Variants in COL4A4 observed in about 807,000 individuals in gnomAD.
The protein encoded by COL4A4 is collagen type IV alpha 4 chain, also known as collagen alpha-4(IV) chain.
In COL4A4, 105 loss-of-function variants were observed where a neutral mutation model predicts 192.9. The observed-to-expected ratio is 0.54, with a 90% CI of 0.46 to 0.64. The LOEUF (loss-of-function observed/expected upper bound fraction) is 0.64. COL4A4 is among the 30% of genes least tolerant of loss of function. COL4A4 has a pLI of 0.00. For missense variants in COL4A4, 1,967 were observed against 2,169.3 expected (o/e 0.91, Z 1.85); for synonymous variants, 762 against 769.9 (o/e 0.99, Z 0.17).
intron 25 of COL4A4, among the ~76,000 whole-genome samples, chr2:227,068,196 T>TA (rs2058472062): frequency 6.6e-6 from 1 of 150,570 alleles, no homozygotes; most frequent in Admixed American, 6.6e-5. Context: ...AATAGACCAA[T>TA]AACAGGATCT....
intron 43 of COL4A4, among the ~76,000 whole-genome samples, chr2:227,024,015 A>C (rs1235623335): frequency 1.4e-5 from 2 of 139,148 alleles, no homozygotes; most frequent in Admixed American, 7.2e-5. Flanking sequence ...AAAAAAAAAA[A>C]ACAAAAAACA....
At chr2:227,152,790 G>A (rs1233173755) in intron 1 of COL4A4, among the ~76,000 whole-genome samples, 1 of 152,188 alleles carries the variant, frequency 6.6e-6, no homozygotes, top group Admixed American at 6.5e-5. Context: ...TCACTCAGAA[G>A]AGCATTCCAC....
chr2:227,138,339 G>A (rs2125265246), intron 4 of COL4A4, among the ~76,000 whole-genome samples: 1 of 150,556 alleles, frequency 6.6e-6, no homozygotes, highest in East Asian at 2.0e-4. Context: ...GAATAGAAAA[G>A]AAAAAGGTCT....
chr2:227,153,132 C>G (rs1301978164), intron 1 of COL4A4, among the ~76,000 whole-genome samples: 2 of 152,150 alleles, frequency 1.3e-5, no homozygotes, highest in Non-Finnish European at 2.9e-5. Context: ...GAGACTTATT[C>G]ACCACCACAA....
At position 227,005,985 on chromosome 2, in the gene COL4A4, T is replaced by C. The variant is rs1376600996; in HGVS notation, c.*1340A>G. ...AAATTGACACACATTCTAAACTTTT[T>C]TAGAAAATACTAATGCCAAATGTCA... On this transcript the variant is annotated 3_prime_UTR_variant, in exon 48 of 48. Transcript: ENST00000396625. The C allele has an allele frequency of 6.6e-6, 1 of 152,302 alleles. No individual in the cohort carries two copies. Among genetic ancestry groups the C allele is most frequent in the Non-Finnish European group, 1.5e-5 (1 of 68,036 alleles). The allele number at this position is 152,302 out of a possible 1,614,324, so 9.4% of individuals were successfully genotyped here. A position where few individuals can be genotyped will look rare whatever the true frequency, so the allele number is the denominator to read the frequency against.
chr2:227,089,611 A>ATATATATATATATATATATATATATG lies in COL4A4; in HGVS notation c.1459+256_1459+257insCATATATATATATATATATATATATA, dbSNP rs1491267361. Among the ~76,000 whole-genome samples the ATATATATATATATATATATATATATG allele has an allele frequency of 3.4e-4, 41 of 119,602 alleles. 2 individuals are homozygous for ATATATATATATATATATATATATATG. The highest frequency in any genetic ancestry group is 1.5e-3 in the African/African-American group (35 of 23,450). 78.5% of individuals were successfully genotyped at this position (119,602 alleles called of 152,430 possible). ...TCCATATATATATATATATATATAC[A>ATATATATATATATATATATATATATG]TACATATATATAAATATATAAGACA... On this transcript the variant is annotated intron_variant, in intron 21 of 47. Transcript: ENST00000396625.
intron 25 of COL4A4, among the ~76,000 whole-genome samples, chr2:227,063,717 G>A (rs1454553436): frequency 6.6e-6 from 1 of 151,614 alleles, no homozygotes; most frequent in African/African-American, 2.4e-5. Context: ...CCAACAAATG[G>A]TTTTTCATGG....
intron 44 of COL4A4, among the ~76,000 whole-genome samples, chr2:227,021,564 G>A (rs1397913338): frequency 6.6e-6 from 1 of 152,214 alleles, no homozygotes; most frequent in African/African-American, 2.4e-5. Context: ...AGTGGCTCAT[G>A]CCTGTAATCC....
chr2:227,122,832 C>T (rs1292029736), intron 4 of COL4A4, among the ~76,000 whole-genome samples: 1 of 152,132 alleles, frequency 6.6e-6, no homozygotes, highest in Non-Finnish European at 1.5e-5. Context: ...TCCTGATCCA[C>T]ACTTGGGGTG....
rs1559488640 is a variant in COL4A4 at position 227,045,884 on chromosome 2, GTA to G, written c.3289+1589_3289+1590del. Among the ~76,000 whole-genome samples, 154 of 75,496 alleles carry G rather than the reference GTA, an allele frequency of 2.0e-3. 37 individuals are homozygous for G. The highest frequency in any genetic ancestry group is 6.9e-3 in the African/African-American group (145 of 21,136). 49.5% of individuals were successfully genotyped at this position (75,496 alleles called of 152,430 possible). ...TATACACATATATATACATATATAT[GTA>G]TATATATTTAGATAGTATATATATG... On this transcript the variant is annotated intron_variant, in intron 35 of 47. Coordinates refer to ENST00000396625, the MANE Select transcript of COL4A4 (RefSeq NM_000092.5).
At chr2:227,119,519 A>C (rs1007040181) in intron 6 of COL4A4, among the ~76,000 whole-genome samples, 1 of 148,620 alleles carries the variant, frequency 6.7e-6, no homozygotes, top group African/African-American at 2.4e-5. Flanking sequence ...TAGATTTTAT[A>C]TATGTAAAAT....
chr2:227,045,851 C>CAT lies in COL4A4; in HGVS notation c.3289+1622_3289+1623dup, dbSNP rs1158732591. 3.3e-4 allele frequency among the ~76,000 whole-genome samples: 13 copies of CAT among 38,986 alleles called. 5 individuals carry two copies. In the East Asian group the frequency reaches 5.9e-3, roughly 18 times the overall value. The allele number at this position is 38,986 out of a possible 152,430, so 25.6% of individuals were successfully genotyped here. On this transcript the variant is annotated intron_variant, in intron 35 of 47. Coordinates refer to ENST00000396625, the MANE Select transcript of COL4A4 (RefSeq NM_000092.5). ...ATATATACACACATATATATATACA[C>CAT]ATATATATATACACATATATATACA...
At chr2:227,144,446 G>A in intron 3 of COL4A4, 70 bp downstream of exon 3, 1 of 1,351,776 alleles carries the variant, frequency 7.4e-7, no homozygotes, top group Non-Finnish European at 1.1e-6. Context: ...TTCTTTGAAA[G>A]TATAACAAAA....
In COL4A4 at chr2:227,011,383, T is replaced by A. The variant is rs576340556; in HGVS notation, c.4333+798A>T. Among the ~76,000 whole-genome samples the A allele has an allele frequency of 2.6e-5, 4 of 152,302 alleles. No homozygotes were observed. In the South Asian group the frequency reaches 8.3e-4, roughly 32 times the overall value. On this transcript the variant is annotated intron_variant, in intron 45 of 47. Coordinates refer to ENST00000396625, the MANE Select transcript of COL4A4 (RefSeq NM_000092.5). Reference sequence around the variant, plus strand: ...GACCTGTAAGGATTTTACAAGTTGATATTTTGAACGAAGAGAGTGTAGAGT... The same window carrying A: ...GACCTGTAAGGATTTTACAAGTTGAAATTTTGAACGAAGAGAGTGTAGAGT...
chr2:227,013,140 A>AT (rs1160271553), intron 44 of COL4A4, among the ~76,000 whole-genome samples: 1 of 152,194 alleles, frequency 6.6e-6, no homozygotes, highest in Non-Finnish European at 1.5e-5. Flanking sequence ...ATAATTAGCC[A>AT]CCATCTCCCT....
the COL4A4 span, among the ~76,000 whole-genome samples, chr2:226,992,252 GCACA>G: frequency 6.6e-6 from 1 of 152,208 alleles, no homozygotes; most frequent in African/African-American, 2.4e-5. Context: ...CCAACGCAGA[GCACA>G]CACACAGTAG....
intron 4 of COL4A4, among the ~76,000 whole-genome samples, chr2:227,138,665 A>G (rs2062992755): frequency 6.6e-6 from 1 of 152,004 alleles, no homozygotes; most frequent in Non-Finnish European, 1.5e-5. Context: ...AAAGCTCAAG[A>G]TAAATTCTGA....
chr2:227,090,840 AGC>A, intron 20 of COL4A4, among the ~76,000 whole-genome samples: 1 of 151,060 alleles, frequency 6.6e-6, no homozygotes. Context: ...GAGAGGAACC[AGC>A]AACAACCAAG....
At chr2:227,015,440 CTG>C (rs1415876486) in intron 44 of COL4A4, among the ~76,000 whole-genome samples, 1 of 152,248 alleles carries the variant, frequency 6.6e-6, no homozygotes, top group East Asian at 1.9e-4. Flanking sequence ...CCTCAGCGAG[CTG>C]TGTTTTAACA....
Sources: allele counts gnomAD v4.1 joint callset (sites outside exome capture counted in the v4.1 genomes callset), GRCh38; gene constraint gnomAD v4.1.1; transcripts MANE v1.5; gene names NCBI Gene and HGNC (gene_info 2026-07-23, HGNC 2026-07-21).